NRXN3: variants seen among roughly 807,000 people sequenced by gnomAD.
NRXN3 encodes neurexin III.
In NRXN3, 32 loss-of-function variants were observed where a neutral mutation model predicts 137.6. That is an observed-to-expected ratio of 0.23 (90% CI 0.18 to 0.31). The LOEUF is 0.31. NRXN3 is among the 10% of genes least tolerant of loss of function. NRXN3 has a pLI of 1.00. For synonymous variants in NRXN3, 798 were observed against 784.5 expected (o/e 1.02, Z -0.29); for missense variants, 1,574 against 2,062.5 (o/e 0.76, Z 4.59).
chr14:79,681,974 T>A (rs1416752768), intron 17 of NRXN3, among the ~76,000 whole-genome samples: 1 of 152,138 alleles, frequency 6.6e-6, no homozygotes, highest in Non-Finnish European at 1.5e-5. Flanking sequence ...TTTTTTCCTT[T>A]TTTTCTCTAT....
At chr14:78,206,374 AG>A (rs2062185531) in intron 1 of NRXN3, among the ~76,000 whole-genome samples, 1 of 152,158 alleles carries the variant, frequency 6.6e-6, no homozygotes, top group Non-Finnish European at 1.5e-5. Context: ...ACAGCCATGC[AG>A]GGGGTTTCCA....
chr14:79,860,407 A>G (rs2099411824), intron 20 of NRXN3, among the ~76,000 whole-genome samples: 1 of 152,264 alleles, frequency 6.6e-6, no homozygotes, highest in Admixed American at 6.5e-5. Context: ...AAGCATGGTC[A>G]AAATGGATTT....
chr14:78,500,447 C>G (rs7151521), intron 4 of NRXN3, among the ~76,000 whole-genome samples: 63,447 of 151,890 alleles, frequency 0.42, 13,433 homozygotes, highest in East Asian at 0.5. Flanking sequence ...ACTTGGAGGT[C>G]CTTAGGGAGC....
chr14:78,238,227 C>T (rs114340374), intron 1 of NRXN3, among the ~76,000 whole-genome samples: 1,965 of 151,732 alleles, frequency 0.013, 45 homozygotes, highest in African/African-American at 0.045. Context: ...AAAAGTGTGC[C>T]GTTCGATAAT....
chr14:78,934,761 G>A (rs1280607904), intron 10 of NRXN3, among the ~76,000 whole-genome samples: 1 of 151,896 alleles, frequency 6.6e-6, no homozygotes, highest in East Asian at 1.9e-4. Context: ...ATTGAACAGT[G>A]AGAACACATG....
intron 10 of NRXN3, among the ~76,000 whole-genome samples, chr14:78,830,345 C>T (rs1166465838): frequency 6.6e-6 from 1 of 151,982 alleles, no homozygotes; most frequent in Non-Finnish European, 1.5e-5. Flanking sequence ...GATAAAGGTA[C>T]TTGTCAGCCT....
rs2098555476 is a variant in NRXN3, at chr14:78,739,541, G to T, written c.2044+24402G>T. Among the ~76,000 whole-genome samples, 2 of 152,152 alleles carry T rather than the reference G, an allele frequency of 1.3e-5. 1 individual carries two copies. Among genetic ancestry groups the T allele is most frequent in the South Asian group, 4.1e-4 (2 of 4,824 alleles). On this transcript the variant is annotated intron_variant, in intron 8 of 20. Transcript: ENST00000335750. Reference sequence around the variant, plus strand: ...GGCTGGAGTAAAATGGCGCGATCTTGGCTCACTGAAACCTCCGCCTCCCGG... The same window carrying T: ...GGCTGGAGTAAAATGGCGCGATCTTTGCTCACTGAAACCTCCGCCTCCCGG...
At chr14:78,279,907 G>A (rs1380492028) in intron 3 of NRXN3, among the ~76,000 whole-genome samples, 2 of 152,098 alleles carry the variant, frequency 1.3e-5, no homozygotes, top group Admixed American at 1.3e-4. Context: ...TCATTGTTCT[G>A]TGTGGGATCT....
chr14:78,670,901 T>A (rs1331004058), intron 6 of NRXN3, among the ~76,000 whole-genome samples: 1 of 152,022 alleles, frequency 6.6e-6, no homozygotes, highest in African/African-American at 2.4e-5. Context: ...TTTTGATGGG[T>A]TGAGTGGGAA....
rs370669288 is a variant in NRXN3, at chr14:78,602,267, CTT to C, written c.758-42833_758-42832del. Among the ~76,000 whole-genome samples, 280 of 115,236 alleles carry C rather than the reference CTT, an allele frequency of 2.4e-3. 2 individuals are homozygous for C. The highest frequency in any genetic ancestry group is 5.0e-3 in the Middle Eastern group (1 of 202). The allele number at this position is 115,236 out of a possible 152,430, so 75.6% of individuals were successfully genotyped here. A position where few individuals can be genotyped will look rare whatever the true frequency, so the allele number is the denominator to read the frequency against. ...GGTTTGGTTTGCATTTCACATTAGC[CTT>C]TTTTTTTTTTTTTTTTTTTAAATTC... On this transcript the variant is annotated intron_variant, in intron 4 of 20. Transcript: ENST00000335750.
chr14:78,185,452 G>A (rs1032595158), intron 1 of NRXN3, among the ~76,000 whole-genome samples: 11 of 152,206 alleles, frequency 7.2e-5, no homozygotes, highest in Admixed American at 1.3e-4. Flanking sequence ...CACATGGGTG[G>A]AGGGCTGAGT....
intron 6 of NRXN3, among the ~76,000 whole-genome samples, chr14:78,652,490 A>G (rs1406705825): frequency 6.6e-6 from 1 of 152,244 alleles, no homozygotes; most frequent in Admixed American, 6.5e-5. Flanking sequence ...GCTAAGCTTC[A>G]TTGCCGAAGA....
At chr14:78,691,569 C>G (rs897173288) in intron 6 of NRXN3, among the ~76,000 whole-genome samples, 1 of 152,190 alleles carries the variant, frequency 6.6e-6, no homozygotes, top group Non-Finnish European at 1.5e-5. Flanking sequence ...TCTAGGGACA[C>G]TCTAGTCAGA....
intron 16 of NRXN3, among the ~76,000 whole-genome samples, chr14:79,629,357 C>G (rs1028953748): frequency 2.6e-5 from 4 of 152,328 alleles, no homozygotes; most frequent in South Asian, 2.1e-4. Flanking sequence ...CAATGCTCAT[C>G]TTCCCTTACA....
intron 15 of NRXN3, among the ~76,000 whole-genome samples, chr14:79,437,332 G>A (rs1432321933): frequency 1.3e-5 from 2 of 151,558 alleles, no homozygotes; most frequent in Non-Finnish European, 2.9e-5. Context: ...AATTTTCATT[G>A]TGATGAATAG....
At position 78,969,918 on chromosome 14, in the gene NRXN3, T is replaced by A. The variant is rs1598047050; in HGVS notation, c.3142+1572T>A. 2.0e-5 allele frequency among the ~76,000 whole-genome samples: 3 copies of A among 151,426 alleles called. No homozygotes were observed. In the East Asian group the frequency reaches 5.9e-4, roughly 30 times the overall value. ...AAAGCAGCCACTTTGCTCCTAGAAA[T>A]GAACAATTTCATTCAATCAGGGATT... On this transcript the variant is annotated intron_variant, in intron 14 of 20. Coordinates refer to ENST00000335750, the MANE Select transcript of NRXN3 (RefSeq NM_001330195.2).
intron 4 of NRXN3, among the ~76,000 whole-genome samples, chr14:78,626,442 T>C (rs574184107): frequency 6.6e-6 from 1 of 152,222 alleles, no homozygotes; most frequent in East Asian, 1.9e-4. Flanking sequence ...ATCGTTATTA[T>C]TTTTTCCCTT....
intron 1 of NRXN3, among the ~76,000 whole-genome samples, chr14:78,213,010 G>T (rs1161298216): frequency 6.6e-6 from 1 of 152,178 alleles, no homozygotes; most frequent in Non-Finnish European, 1.5e-5. Context: ...AAGGACCTGG[G>T]TTTTATGGAC....
chr14:79,237,390 A>G (rs1361529625), intron 15 of NRXN3, among the ~76,000 whole-genome samples: 2 of 152,152 alleles, frequency 1.3e-5, no homozygotes, highest in Non-Finnish European at 2.9e-5. Context: ...AAACAGAGCT[A>G]TAAAAATTCA....
Sources: gnomAD v4.1 joint callset for allele counts (sites outside exome capture counted in the v4.1 genomes callset) on GRCh38, gnomAD v4.1.1 for gene constraint, MANE v1.5 for transcripts, NCBI Gene and HGNC (gene_info 2026-07-23, HGNC 2026-07-21) for gene names.